Variants in STXBP5 observed in about 807,000 individuals in gnomAD.
The protein encoded by STXBP5 is syntaxin binding protein 5, also known as syntaxin-binding protein 5.
Under a neutral mutation model 152.4 loss-of-function variants are expected in STXBP5, and 50 were observed. That is an observed-to-expected ratio of 0.33 (90% CI 0.26 to 0.42). STXBP5 has a LOEUF of 0.42. STXBP5 is among the 10% of genes least tolerant of loss of function. The pLI, the probability that STXBP5 is intolerant of heterozygous loss-of-function variation, is 1.00. For synonymous variants in STXBP5, 492 were observed against 494.7 expected (o/e 0.99, Z 0.07); for missense variants, 1,167 against 1,388.6 (o/e 0.84, Z 2.54).
At chr6:147,205,947 G>T (rs1266002883) in intron 1 of STXBP5, 24 bp from the exon 2 acceptor site, 2 of 1,593,788 alleles carry the variant, frequency 1.3e-6, no homozygotes, top group African/African-American at 2.7e-5. Flanking sequence ...CTTGGTTGCT[G>T]TGATGTCACT....
intron 2 of STXBP5, among the ~76,000 whole-genome samples, chr6:147,220,819 G>A (rs1418141594): frequency 1.3e-5 from 2 of 152,080 alleles, no homozygotes; most frequent in Non-Finnish European, 2.9e-5. Flanking sequence ...GATCCACTTT[G>A]ACAATCTGTC....
At chr6:147,325,592 T>A (rs1409940012) in intron 17 of STXBP5, among the ~76,000 whole-genome samples, 1 of 152,228 alleles carries the variant, frequency 6.6e-6, no homozygotes, top group African/African-American at 2.4e-5. Flanking sequence ...AGCCATATAG[T>A]GTTAATTATA....
intron 16 of STXBP5, among the ~76,000 whole-genome samples, chr6:147,319,937 G>A (rs574348918): frequency 6.7e-6 from 1 of 148,476 alleles, no homozygotes; most frequent in Non-Finnish European, 1.5e-5. Context: ...GACCTCCTGG[G>A]CTCAATCAGT....
At chr6:147,380,126 T>C (rs1469588574) in intron 26 of STXBP5, among the ~76,000 whole-genome samples, 2 of 151,390 alleles carry the variant, frequency 1.3e-5, no homozygotes, top group African/African-American at 4.9e-5. Context: ...AGCAGTAAGC[T>C]GTTCTTAAAA....
At chr6:147,267,794 A>G (rs1384204575) in intron 7 of STXBP5, among the ~76,000 whole-genome samples, 1 of 152,134 alleles carries the variant, frequency 6.6e-6, no homozygotes, top group Non-Finnish European at 1.5e-5. Context: ...CATAGATGAT[A>G]CTGATACTCA....
At chr6:147,362,653 T>C (rs1437786127) in intron 23 of STXBP5, among the ~76,000 whole-genome samples, 1 of 152,202 alleles carries the variant, frequency 6.6e-6, no homozygotes, top group Non-Finnish European at 1.5e-5. Flanking sequence ...CAGTATTGTC[T>C]ATTAGAGATG....
At chr6:147,260,793 T>G in intron 5 of STXBP5, 44 bp downstream of exon 5, 1 of 1,592,642 alleles carries the variant, frequency 6.3e-7, no homozygotes, top group Non-Finnish European at 8.5e-7. Context: ...ATCAGTTCTA[T>G]ATATAATAAT....
Position 147,373,776 on chromosome 6 carries a change from C to T in STXBP5, c.3127C>T (p.Pro1043Ser). The T allele has an allele frequency of 2.5e-6, 4 of 1,613,808 alleles. No homozygotes were observed. The highest frequency in any genetic ancestry group is 3.4e-6 in the Non-Finnish European group (4 of 1,179,858). Residue 1043 changes from proline to serine, a missense_variant, in exon 26 of 28, where the codon CCA becomes TCA. Pro to Ser is a moderately conservative substitution (Grantham distance 74). Transcript: ENST00000321680. ...LFTPVETPEAPNRGFFKGLFG... is the reference protein window; with the variant it reads ...LFTPVETPEASNRGFFKGLFG... ...CACTCCTGTAGAAACACCTGAAGCACCAAACAGGGGATTCTTTAAAGGCTT... is the reference window on the plus strand; with the variant it reads ...CACTCCTGTAGAAACACCTGAAGCATCAAACAGGGGATTCTTTAAAGGCTT...
At chr6:147,378,628 AC>A (rs1218901284) in intron 26 of STXBP5, among the ~76,000 whole-genome samples, 3 of 152,040 alleles carry the variant, frequency 2.0e-5, no homozygotes, top group African/African-American at 7.2e-5. Context: ...GTACTATAAT[AC>A]GAAACAGAAA....
intron 3 of STXBP5, among the ~76,000 whole-genome samples, chr6:147,235,538 T>G (rs902179392): frequency 2.0e-5 from 3 of 152,174 alleles, no homozygotes; most frequent in Non-Finnish European, 2.9e-5. Context: ...GACAGTGTTG[T>G]AAATTGAAAG....
intron 8 of STXBP5, among the ~76,000 whole-genome samples, chr6:147,285,689 G>GCAAGC (rs1361814056): frequency 6.6e-6 from 1 of 152,014 alleles, no homozygotes; most frequent in Non-Finnish European, 1.5e-5. Flanking sequence ...AATATCAAGG[G>GCAAGC]ACTATTGAGC....
chr6:147,230,224 T>C (rs1320939081), intron 2 of STXBP5, among the ~76,000 whole-genome samples: 4 of 151,964 alleles, frequency 2.6e-5, no homozygotes, highest in Non-Finnish European at 4.4e-5. Context: ...CAAGTATTGG[T>C]CCTCTCAGTA....
At chr6:147,363,859 G>A in intron 24 of STXBP5, 142 bp from the exon 25 acceptor site, 3 of 1,374,008 alleles carry the variant, frequency 2.2e-6, no homozygotes, top group East Asian at 2.4e-5. Flanking sequence ...TATATGAGGA[G>A]TATAAACCAT....
At chr6:147,270,324 G>A (rs1252925588) in intron 7 of STXBP5, among the ~76,000 whole-genome samples, 1 of 151,312 alleles carries the variant, frequency 6.6e-6, no homozygotes, top group Non-Finnish European at 1.5e-5. Context: ...GCTTGAACCT[G>A]GGAGACGGAG....
At chr6:147,379,097 C>T (rs1785950167) in intron 26 of STXBP5, among the ~76,000 whole-genome samples, 1 of 118,648 alleles carries the variant, frequency 8.4e-6, no homozygotes, top group African/African-American at 4.0e-5. Flanking sequence ...CATCTGTCTG[C>T]CCACAGCTGG....
At chr6:147,308,067 A>G (rs570146660) in intron 9 of STXBP5, among the ~76,000 whole-genome samples, 1 of 152,358 alleles carries the variant, frequency 6.6e-6, no homozygotes, top group South Asian at 2.1e-4. Context: ...TCGAAATATT[A>G]CATATAGAAT....
intron 8 of STXBP5, among the ~76,000 whole-genome samples, chr6:147,280,836 A>G (rs1339048665): frequency 1.3e-5 from 2 of 152,200 alleles, no homozygotes; most frequent in East Asian, 3.9e-4. Flanking sequence ...AATCCAAATG[A>G]AATATAAATG....
rs1582826568 is a variant in STXBP5 at position 147,239,210 on chromosome 6, T to TA, written c.372dup (p.Trp125MetfsTer15). On this transcript the variant is annotated frameshift_variant, in exon 4 of 28. Transcript: ENST00000321680. LOFTEE classifies it high-confidence loss of function. ...GCCTTGGCTGATGACACCTTACACT[T>TA]ATGGAATTTACGTCAGAAGAGGCCT... is the stretch of plus-strand genomic sequence containing the variant. The TA allele has an allele frequency of 6.2e-7, 1 of 1,613,732 alleles. No homozygotes were observed. The highest frequency in any genetic ancestry group is 8.5e-7 in the Non-Finnish European group (1 of 1,179,796).
chr6:147,250,612 A>G (rs1779036761), intron 4 of STXBP5, among the ~76,000 whole-genome samples: 1 of 152,140 alleles, frequency 6.6e-6, no homozygotes, highest in Non-Finnish European at 1.5e-5. Context: ...AAGGTAGAAC[A>G]GTAACCAGTA....
Sources: gnomAD v4.1 joint callset for allele counts (sites outside exome capture counted in the v4.1 genomes callset) on GRCh38, gnomAD v4.1.1 for gene constraint, MANE v1.5 for transcripts, NCBI Gene and HGNC (gene_info 2026-07-23, HGNC 2026-07-21) for gene names.